Variants in TCERG1L observed in about 807,000 individuals in gnomAD.
TCERG1L encodes the protein transcription elongation regulator 1 like.
TCERG1L carries 37 observed loss-of-function variants against 56.3 expected under a neutral mutation model. The ratio of observed to expected loss-of-function variants is 0.66; its 90% CI spans 0.51 to 0.87. The LOEUF is 0.87. Ranked by LOEUF, TCERG1L falls within the 40% of genes least tolerant of loss-of-function variation. TCERG1L has a pLI of 0.00. For missense variants in TCERG1L, 799 were observed against 774.2 expected, an observed-to-expected ratio of 1.03 and a Z score of -0.38; for synonymous variants, 324 against 326.3, an observed-to-expected ratio of 0.99 and a Z score of 0.08.
chr10:131,132,888 G>A (rs899746053), intron 8 of TCERG1L, among the ~76,000 whole-genome samples: 4 of 152,214 alleles, frequency 2.6e-5, no homozygotes, highest in Non-Finnish European at 5.9e-5. Context: ...CCTGCCACGT[G>A]CGGCCCTAGA....
At position 131,267,519 on chromosome 10, in the gene TCERG1L, C is replaced by T. The variant is rs1285930426; in HGVS notation, c.671-7075G>A. On this transcript the variant is annotated intron_variant, in intron 3 of 11. Transcript: ENST00000368642. This position sits in a 1 kb window ranked among gnomAD's most constrained non-coding sequence, Gnocchi z 4.9. ...GTCCCAGCTCTGCAAAGTGAGCAGA[C>T]CTGGCTGTGCCCTTCTCTGCGTCTC... Among the ~76,000 whole-genome samples the T allele has an allele frequency of 6.6e-6, 1 of 152,186 alleles. No individual in the cohort carries two copies. Among genetic ancestry groups the T allele is most frequent in the Non-Finnish European group, 1.5e-5 (1 of 68,038 alleles).
At chr10:131,206,926 G>A (rs1404872529) in intron 4 of TCERG1L, among the ~76,000 whole-genome samples, 1 of 152,120 alleles carries the variant, frequency 6.6e-6, no homozygotes. Flanking sequence ...TCCCAGAGGG[G>A]CCAGGGAAGC....
rs1256568420 is a variant in TCERG1L at position 131,146,532 on chromosome 10, TG to T, written c.1162del (p.His388ThrfsTer27). ...TGCTGGTGCCTCCAGCTTGCGTTTG[TG>T]GGGCGGGTCCTCAATGATCCTGTTG... ...DLNRIIEDPP[H>X]KRKLEAPATD... On this transcript the variant is annotated frameshift_variant, in exon 7 of 12. Coordinates refer to ENST00000368642, the MANE Select transcript of TCERG1L (RefSeq NM_174937.4). LOFTEE classifies it high-confidence loss of function. 6.2e-7 allele frequency: 1 copy of T among 1,611,676 alleles called. No homozygotes were observed. Among genetic ancestry groups the T allele is most frequent in the South Asian group, 1.1e-5 (1 of 90,882 alleles).
At chr10:131,277,522 CCA>C (rs1846405714) in intron 3 of TCERG1L, among the ~76,000 whole-genome samples, 1 of 152,184 alleles carries the variant, frequency 6.6e-6, no homozygotes, top group Non-Finnish European at 1.5e-5. Flanking sequence ...ACAGTCATGT[CCA>C]CAAACTTGGC....
chr10:131,131,213 A>C (rs952388337), intron 8 of TCERG1L, among the ~76,000 whole-genome samples: 2 of 152,178 alleles, frequency 1.3e-5, no homozygotes, highest in African/African-American at 4.8e-5. Context: ...AGAAGGCGGG[A>C]GGCAACTGCA....
At position 131,146,804 on chromosome 10, in the gene TCERG1L, A is replaced by C. The variant is rs1047250077; in HGVS notation, c.1035-144T>G. 38 of 892,992 alleles carry C rather than the reference A, an allele frequency of 4.3e-5. No homozygotes were observed. The African/African-American group carries it at 5.5e-4, about 13-fold the overall frequency. The allele number at this position is 892,992 out of a possible 1,614,324, so 55.3% of individuals were successfully genotyped here. ...TGTTTATGGATAGTATGAATACTAA[A>C]GACAAAGCCTGCCTTTTTAGGTGAC... On this transcript the variant is annotated intron_variant, in intron 6 of 11. Transcript: ENST00000368642.
intron 4 of TCERG1L, among the ~76,000 whole-genome samples, chr10:131,238,618 C>T (rs1173965947): frequency 6.6e-6 from 1 of 152,230 alleles, no homozygotes; most frequent in Non-Finnish European, 1.5e-5. Flanking sequence ...ATCTCTGGTG[C>T]TTGTTCAAGC....
chr10:131,227,656 G>C (rs1296856445), intron 4 of TCERG1L, among the ~76,000 whole-genome samples: 1 of 152,180 alleles, frequency 6.6e-6, no homozygotes, highest in Non-Finnish European at 1.5e-5. Context: ...CTCCAGGTGA[G>C]CCGAGGGTTT....
chr10:131,172,976 T>C (rs1846109517), intron 4 of TCERG1L, among the ~76,000 whole-genome samples: 1 of 151,754 alleles, frequency 6.6e-6, no homozygotes, highest in African/African-American at 2.4e-5. Context: ...CTGCAACTTC[T>C]GCCTCCTGGG....
chr10:131,168,427 G>A (rs1043229987), intron 4 of TCERG1L, among the ~76,000 whole-genome samples: 2 of 152,220 alleles, frequency 1.3e-5, no homozygotes, highest in African/African-American at 2.4e-5. Context: ...GCAGAGCCAG[G>A]TGGTCTGCAA....
intron 7 of TCERG1L, among the ~76,000 whole-genome samples, chr10:131,141,236 C>G (rs936227648): frequency 2.0e-5 from 3 of 152,186 alleles, no homozygotes; most frequent in Admixed American, 2.0e-4. Flanking sequence ...CTTCCCCGAG[C>G]CTTCCACTCT....
At chr10:131,186,751 C>G (rs184372308) in intron 4 of TCERG1L, among the ~76,000 whole-genome samples, 2 of 152,304 alleles carry the variant, frequency 1.3e-5, no homozygotes, top group Admixed American at 6.5e-5. Flanking sequence ...GGGCCTGCCA[C>G]TCGTGCACCG....
intron 4 of TCERG1L, among the ~76,000 whole-genome samples, chr10:131,204,843 A>T (rs369219800): frequency 3.1e-4 from 47 of 152,332 alleles, no homozygotes; most frequent in African/African-American, 1.1e-3. Flanking sequence ...GGTTTTATGA[A>T]CAGGCAGAGG....
intron 4 of TCERG1L, among the ~76,000 whole-genome samples, chr10:131,191,622 A>G (rs1845302219): frequency 7.0e-6 from 1 of 143,034 alleles, no homozygotes; most frequent in Non-Finnish European, 1.5e-5. Context: ...CATAAATTGC[A>G]AAGGTGCTGG....
intron 9 of TCERG1L, among the ~76,000 whole-genome samples, chr10:131,106,378 C>T (rs572309610): frequency 1.8e-4 from 27 of 152,304 alleles, no homozygotes; most frequent in Admixed American, 3.9e-4. Flanking sequence ...CCTAGGGAGG[C>T]GGCTTCCAGA....
At chr10:131,117,322 C>T (rs967931041) in intron 8 of TCERG1L, among the ~76,000 whole-genome samples, 11 of 152,242 alleles carry the variant, frequency 7.2e-5, no homozygotes, top group African/African-American at 2.7e-4. Flanking sequence ...GAGATGGGGT[C>T]ATGGAGGGGT....
chr10:131,251,240 C>A (rs1446292338), intron 4 of TCERG1L, among the ~76,000 whole-genome samples: 1 of 152,186 alleles, frequency 6.6e-6, no homozygotes, highest in Non-Finnish European at 1.5e-5. Flanking sequence ...TCTGCCCAGG[C>A]CAGCAACCCC....
chr10:131,109,001 G>A (rs999145521), intron 9 of TCERG1L, among the ~76,000 whole-genome samples: 58 of 151,848 alleles, frequency 3.8e-4, no homozygotes, highest in African/African-American at 1.4e-3. Flanking sequence ...GTGCAACATC[G>A]CCACGGGTGT....
chr10:131,128,690 A>G (rs1845588563), intron 8 of TCERG1L, among the ~76,000 whole-genome samples: 2 of 152,152 alleles, frequency 1.3e-5, no homozygotes, highest in Non-Finnish European at 2.9e-5. Context: ...TATGAGGGTG[A>G]GTTTCTCTTT....
Sources: allele counts gnomAD v4.1 joint callset (sites outside exome capture counted in the v4.1 genomes callset), GRCh38; gene constraint gnomAD v4.1.1; non-coding constraint Gnocchi (gnomAD v3.1); transcripts MANE v1.5; gene names NCBI Gene and HGNC (gene_info 2026-07-23, HGNC 2026-07-21).